Variants in MYOCOS observed in about 807,000 individuals in gnomAD.
MYOCOS encodes myocilin opposite strand, also known as myocilin opposite strand protein.
intron 1 of MYOCOS, among the ~76,000 whole-genome samples, chr1:171,611,661 C>T (rs1652353778): frequency 6.6e-6 from 1 of 152,182 alleles, no homozygotes; most frequent in African/African-American, 2.4e-5. Context: ...TCCTTTCCTG[C>T]TCTAATATCT....
chr1:171,613,592 G>T (rs1439379155), intron 1 of MYOCOS, among the ~76,000 whole-genome samples: 1 of 152,014 alleles, frequency 6.6e-6, no homozygotes, highest in Non-Finnish European at 1.5e-5. Context: ...CTGTCACCCA[G>T]GTTGGAGTGC....
In MYOCOS at chr1:171,605,810, G is replaced by A. The variant is rs115402408; in HGVS notation, c.-252+4730G>A. Among the ~76,000 whole-genome samples, 1,246 of 152,080 alleles carry A rather than the reference G, an allele frequency of 8.2e-3. 10 individuals carry two copies. The highest frequency in any genetic ancestry group is 0.011 in the Non-Finnish European group (782 of 68,016). ...CGAACCCCCATCTACATGCTCAACC[G>A]AATCATACGGTTACAAGCTGTTTTA... On this transcript the variant is annotated intron_variant, in intron 1 of 3. Coordinates refer to the MYOCOS transcript ENST00000636697.
At chr1:171,608,258 C>T (rs2102933283) in intron 1 of MYOCOS, among the ~76,000 whole-genome samples, 1 of 152,156 alleles carries the variant, frequency 6.6e-6, no homozygotes, top group South Asian at 2.1e-4. Flanking sequence ...CCCTTGAGAT[C>T]AAACCATAGT....
At chr1:171,624,582 G>GC (rs1652654326) in intron 2 of MYOCOS, among the ~76,000 whole-genome samples, 1 of 151,738 alleles carries the variant, frequency 6.6e-6, no homozygotes, top group East Asian at 1.9e-4. Context: ...GACCACAGGC[G>GC]CCCGCCACGA....
At chr1:171,609,955 T>C (rs1430436000) in intron 1 of MYOCOS, among the ~76,000 whole-genome samples, 1 of 152,224 alleles carries the variant, frequency 6.6e-6, no homozygotes, top group Non-Finnish European at 1.5e-5. Flanking sequence ...GAAAATTATT[T>C]TCCAAGATCA....
At chr1:171,613,226 T>C (rs1480771262) in intron 1 of MYOCOS, among the ~76,000 whole-genome samples, 2 of 152,194 alleles carry the variant, frequency 1.3e-5, no homozygotes, top group Non-Finnish European at 2.9e-5. Context: ...ACCCGATTTA[T>C]CTTTTACTCA....
upstream of MYOCOS, among the ~76,000 whole-genome samples, chr1:171,618,924 A>G (rs1054046193): frequency 6.6e-6 from 1 of 152,094 alleles, no homozygotes; most frequent in Non-Finnish European, 1.5e-5. Context: ...TGACATGAGT[A>G]TCTTTTGACA....
chr1:171,610,998 A>G (rs765626249), intron 1 of MYOCOS, among the ~76,000 whole-genome samples: 70 of 152,318 alleles, frequency 4.6e-4, no homozygotes, highest in Non-Finnish European at 6.9e-4. Context: ...ATTTACCATC[A>G]TTCATGAGTT....
At chr1:171,604,892 T>A (rs1400889327) in intron 1 of MYOCOS, among the ~76,000 whole-genome samples, 1 of 152,110 alleles carries the variant, frequency 6.6e-6, no homozygotes, top group Non-Finnish European at 1.5e-5. Flanking sequence ...TTAGAATTAG[T>A]AATCACAAAC....
intron 2 of MYOCOS, 47 bp downstream of exon 2, chr1:171,624,025 C>A (rs962281796): frequency 5.0e-6 from 2 of 398,412 alleles, no homozygotes; most frequent in African/African-American, 4.1e-5. Flanking sequence ...TGGGACGGAG[C>A]ATAACACTGA....
intron 1 of MYOCOS, among the ~76,000 whole-genome samples, chr1:171,623,178 C>A (rs532831357): frequency 2.0e-4 from 31 of 152,096 alleles, no homozygotes; most frequent in Middle Eastern, 6.8e-3. Context: ...GCCTTGGTGA[C>A]AGAGCCAGAC....
intron 1 of MYOCOS, chr1:171,604,149 CT>C (rs1558078299): frequency 6.6e-6 from 1 of 152,068 alleles, no homozygotes; most frequent in Non-Finnish European, 1.5e-5. Context: ...AGACTAGGAG[CT>C]GTACGTGGAT....
rs114641223 is a variant in MYOCOS at position 171,611,173 on chromosome 1, C to T, written c.-251-3625C>T. ...GTTTTGCAATTCCTGCTTGCACTTACCTACTGAATTGACAAAACCAAACTT... is the reference window on the plus strand; with the variant it reads ...GTTTTGCAATTCCTGCTTGCACTTATCTACTGAATTGACAAAACCAAACTT... On this transcript the variant is annotated intron_variant, in intron 1 of 3. Transcript: ENST00000636697. 7.4e-3 allele frequency among the ~76,000 whole-genome samples: 1,129 copies of T among 152,344 alleles called. 6 individuals carry two copies. Among genetic ancestry groups the T allele is most frequent in the Non-Finnish European group, 0.013 (893 of 68,022 alleles).
chr1:171,623,357 A>T (rs1434747302), intron 1 of MYOCOS, among the ~76,000 whole-genome samples: 2 of 152,296 alleles, frequency 1.3e-5, no homozygotes, highest in East Asian at 3.9e-4. Context: ...AGCCTTATTT[A>T]TGTCCCTTTC....
upstream of MYOCOS, among the ~76,000 whole-genome samples, chr1:171,620,929 C>T (rs139686324): frequency 0.024 from 3,678 of 151,932 alleles, 151 homozygotes; most frequent in African/African-American, 0.084. Context: ...GCCACCACGC[C>T]GGGCTAATTT....
intron 1 of MYOCOS, among the ~76,000 whole-genome samples, chr1:171,604,874 G>A (rs1652215611): frequency 6.6e-6 from 1 of 152,116 alleles, no homozygotes; most frequent in Non-Finnish European, 1.5e-5. Flanking sequence ...AGTGGAAGCT[G>A]CAACCCTTTA....
At chr1:171,612,877 C>T (rs1652381042) in intron 1 of MYOCOS, among the ~76,000 whole-genome samples, 1 of 152,104 alleles carries the variant, frequency 6.6e-6, no homozygotes, top group Admixed American at 6.6e-5. Context: ...TGTGGGAGTA[C>T]TATCAATTTC....
At chr1:171,625,796 A>T (rs1311601562) in intron 2 of MYOCOS, among the ~76,000 whole-genome samples, 1 of 152,132 alleles carries the variant, frequency 6.6e-6, no homozygotes, top group Non-Finnish European at 1.5e-5. Flanking sequence ...ATGTACAGAG[A>T]GCTGGCCAGT....
At chr1:171,610,229 C>G (rs1652332296) in intron 1 of MYOCOS, among the ~76,000 whole-genome samples, 2 of 152,160 alleles carry the variant, frequency 1.3e-5, no homozygotes, top group African/African-American at 2.4e-5. Flanking sequence ...AGTCAGGGAT[C>G]ATTGAGTCTC....
Sources: allele counts gnomAD v4.1 joint callset (sites outside exome capture counted in the v4.1 genomes callset), GRCh38; gene constraint gnomAD v4.1.1; transcripts MANE v1.5; gene names NCBI Gene and HGNC (gene_info 2026-07-23, HGNC 2026-07-21).